Variants in LRRFIP1 observed in about 807,000 individuals in gnomAD.
LRRFIP1 encodes the protein leucine-rich repeat flightless-interacting protein 1.
A neutral mutation model predicts 104.4 loss-of-function variants in LRRFIP1; 62 were observed. That is an observed-to-expected ratio of 0.59 (90% CI 0.48 to 0.73). The LOEUF is 0.73. Among genes scored for constraint, LRRFIP1 ranks in the 30% least tolerant of loss-of-function variants. The pLI is 0.00. For synonymous variants in LRRFIP1, 300 were observed against 299.0 expected (o/e 1.00, Z -0.03); for missense variants, 796 against 824.5 (o/e 0.97, Z 0.42).
chr2:237,760,228 C>A, intron 19 of LRRFIP1, 23 bp downstream of exon 19: 1 of 1,612,234 alleles, frequency 6.2e-7, no homozygotes, highest in Non-Finnish European at 8.5e-7. Context: ...TTTCCTTCGG[C>A]TCCTCACACC....
Position 237,717,044 on chromosome 2 carries a change from A to G in LRRFIP1, c.202-718A>G, listed in dbSNP as rs1251218740. Among the ~76,000 whole-genome samples, 1 of 151,972 alleles carries G rather than the reference A, an allele frequency of 6.6e-6. No individual in the cohort carries two copies. The highest frequency in any genetic ancestry group is 2.4e-5 in the African/African-American group (1 of 41,358). On this transcript the variant is annotated intron_variant, in intron 3 of 23. Coordinates refer to ENST00000308482, the MANE Select transcript of LRRFIP1 (RefSeq NM_001137550.2). This position sits in a 1 kb window ranked among gnomAD's most constrained non-coding sequence, Gnocchi z 4.2. ...ATTTTTTTTTTTTAGCTTATCAGCTATCGTTAGTGTAGTTTATGTGTGGCC... is the reference window on the plus strand; with the variant it reads ...ATTTTTTTTTTTTAGCTTATCAGCTGTCGTTAGTGTAGTTTATGTGTGGCC...
intron 1 of LRRFIP1, among the ~76,000 whole-genome samples, chr2:237,632,725 G>A (rs1270080268): frequency 6.6e-6 from 1 of 152,136 alleles, no homozygotes; most frequent in East Asian, 1.9e-4. Flanking sequence ...GGTTCAGTGT[G>A]GAAACTTCGC....
chr2:237,675,711 A>G (rs933147583), intron 1 of LRRFIP1, among the ~76,000 whole-genome samples: 22 of 152,280 alleles, frequency 1.4e-4, no homozygotes, highest in Admixed American at 3.3e-4. Context: ...AACACTGGAA[A>G]AGAAAAGTAA....
chr2:237,735,955 G>A lies in LRRFIP1; in HGVS notation c.555+622G>A, dbSNP rs1348564800. On this transcript the variant is annotated intron_variant, in intron 10 of 23. Transcript: ENST00000308482. The surrounding 1 kb of genome is among the most constrained non-coding windows in gnomAD (Gnocchi z 4.6). ...GGAAACGGAGCGTTCAGTGCTAACC[G>A]GTGCTCCCTGGCGGTGGATCTCCTG... Among the ~76,000 whole-genome samples the A allele has an allele frequency of 3.3e-5, 5 of 152,312 alleles. No homozygotes were observed. The highest frequency in any genetic ancestry group is 1.9e-4 in the East Asian group (1 of 5,184).
intron 2 of LRRFIP1, 128 bp from the exon 3 acceptor site, chr2:237,714,131 A>G (rs1345418162): frequency 1.7e-6 from 1 of 588,284 alleles, no homozygotes; most frequent in East Asian, 2.8e-5. Flanking sequence ...CTGTTTTCTT[A>G]TTCACATTTT....
At chr2:237,665,439 A>G (rs966677680) in intron 1 of LRRFIP1, among the ~76,000 whole-genome samples, 1 of 152,170 alleles carries the variant, frequency 6.6e-6, no homozygotes, top group African/African-American at 2.4e-5. Flanking sequence ...GTTGGAATCC[A>G]CTCTTCACGT....
At position 237,741,563 on chromosome 2, in the gene LRRFIP1, C is replaced by T. The variant is rs191272518; in HGVS notation, c.633+2254C>T. 7.2e-3 allele frequency among the ~76,000 whole-genome samples: 1,092 copies of T among 152,324 alleles called. 5 individuals are homozygous for T. The highest frequency in any genetic ancestry group is 0.012 in the Non-Finnish European group (846 of 68,030). On this transcript the variant is annotated intron_variant, in intron 11 of 23. Transcript: ENST00000308482. Reference sequence around the variant, plus strand: ...GTAAGTATTGCCAGGCGCGGTGGCTCACACCTGTAATCCCAGCACTTTGGG... The same window carrying T: ...GTAAGTATTGCCAGGCGCGGTGGCTTACACCTGTAATCCCAGCACTTTGGG...
chr2:237,676,192 A>G (rs964791917), intron 1 of LRRFIP1, among the ~76,000 whole-genome samples: 2 of 152,210 alleles, frequency 1.3e-5, no homozygotes, highest in Non-Finnish European at 2.9e-5. Context: ...CTCCCATGCA[A>G]CTTTCTGTCT....
Position 237,703,592 on chromosome 2 carries a change from C to T in LRRFIP1, c.97-4952C>T, listed in dbSNP as rs1575624218. Among the ~76,000 whole-genome samples the T allele has an allele frequency of 2.0e-5, 3 of 152,080 alleles. No individual in the cohort carries two copies. Among genetic ancestry groups the T allele is most frequent in the East Asian group, 3.9e-4 (2 of 5,146 alleles). ...GCTCTGCTTGTCCTGTTTCAGGGTC[C>T]GGCTTAGGGCTCCTGTCCTGCGGAT... On this transcript the variant is annotated intron_variant, in intron 1 of 23. Transcript: ENST00000308482. The surrounding 1 kb of genome is among the most constrained non-coding windows in gnomAD (Gnocchi z 4.3).
At chr2:237,660,972 C>T (rs2087810283) in intron 1 of LRRFIP1, among the ~76,000 whole-genome samples, 1 of 152,190 alleles carries the variant, frequency 6.6e-6, no homozygotes, top group Non-Finnish European at 1.5e-5. Flanking sequence ...GAGGAGGAAG[C>T]TCTCGGATCT....
chr2:237,712,220 A>G (rs1015972276), intron 2 of LRRFIP1, among the ~76,000 whole-genome samples: 7 of 152,204 alleles, frequency 4.6e-5, no homozygotes, highest in African/African-American at 9.7e-5. Context: ...TAGCCAAGCC[A>G]AGATTCAAAT....
intron 1 of LRRFIP1, among the ~76,000 whole-genome samples, chr2:237,681,675 A>ATTATTTTT (rs1359912875): frequency 1.8e-5 from 1 of 54,616 alleles, no homozygotes; most frequent in African/African-American, 6.3e-5. Context: ...CCGCAGTCCT[A>ATTATTTTT]TTCTTTTTTT....
intron 1 of LRRFIP1, among the ~76,000 whole-genome samples, chr2:237,698,353 A>G (rs2093323818): frequency 6.6e-6 from 1 of 152,268 alleles, no homozygotes; most frequent in Non-Finnish European, 1.5e-5. Context: ...ACATAACTGT[A>G]GGTGACAGAG....
chr2:237,643,335 C>A (rs574456728), intron 1 of LRRFIP1, among the ~76,000 whole-genome samples: 3 of 152,224 alleles, frequency 2.0e-5, no homozygotes, highest in Non-Finnish European at 4.4e-5. Flanking sequence ...GGGGGTGGAG[C>A]CGGGCATTTG....
At chr2:237,739,440 C>T (rs2095349054) in intron 11 of LRRFIP1, 131 bp downstream of exon 11, 1 of 832,360 alleles carries the variant, frequency 1.2e-6, no homozygotes, top group Non-Finnish European at 1.8e-6. Context: ...CATTGCTCAA[C>T]TTTTCAAGGA....
At chr2:237,642,975 G>A (rs1486584528) in intron 1 of LRRFIP1, among the ~76,000 whole-genome samples, 2 of 152,210 alleles carry the variant, frequency 1.3e-5, no homozygotes, top group African/African-American at 2.4e-5. Flanking sequence ...CTATAAGGTG[G>A]GATAAATCCG....
Position 237,775,557 on chromosome 2 carries a change from C to T in LRRFIP1, c.1812+1095C>T, listed in dbSNP as rs556930868. On this transcript the variant is annotated intron_variant, in intron 23 of 23. Coordinates refer to ENST00000308482, the MANE Select transcript of LRRFIP1 (RefSeq NM_001137550.2). ...TTTCAATAGGATCACTCGGGCCGGG[C>T]GCGGTGGCTCACGCCTATAATCCCA... 5.3e-5 allele frequency among the ~76,000 whole-genome samples: 8 copies of T among 152,288 alleles called. No homozygotes were observed. In the South Asian group the frequency reaches 8.3e-4, roughly 16 times the overall value.
intron 14 of LRRFIP1, 108 bp downstream of exon 14, chr2:237,751,379 C>A: frequency 3.5e-6 from 3 of 848,598 alleles, no homozygotes; most frequent in African/African-American, 1.7e-5. Flanking sequence ...TGTAAATAGG[C>A]TCCAGGGTGT....
At chr2:237,730,528 C>T (rs947933906) in intron 8 of LRRFIP1, among the ~76,000 whole-genome samples, 9 of 152,172 alleles carry the variant, frequency 5.9e-5, no homozygotes, top group South Asian at 2.1e-4. Context: ...CAGAAGCCAC[C>T]GGCACCGGAG....
Sources: allele counts gnomAD v4.1 joint callset (sites outside exome capture counted in the v4.1 genomes callset), GRCh38; gene constraint gnomAD v4.1.1; non-coding constraint Gnocchi (gnomAD v3.1); transcripts MANE v1.5; gene names NCBI Gene and HGNC (gene_info 2026-07-23, HGNC 2026-07-21).